The following GALNT18 variants were observed in gnomAD, a reference collection of about 807,000 sequenced individuals.
GALNT18 encodes GalNAc-transferase 18.
In GALNT18, 44 loss-of-function variants were observed where a neutral mutation model predicts 69.5. That is an observed-to-expected ratio of 0.63 (90% CI 0.50 to 0.81). The LOEUF is 0.81. Among genes scored for constraint, GALNT18 ranks in the 40% least tolerant of loss-of-function variants. The pLI is 0.00. For missense variants in GALNT18, 715 were observed against 810.0 expected, an observed-to-expected ratio of 0.88 and a Z score of 1.42; for synonymous variants, 364 against 318.2, an observed-to-expected ratio of 1.14 and a Z score of -1.53.
chr11:11,621,949 A>C lies in GALNT18; in HGVS notation c.-356T>G. 1.7e-5 allele frequency: 3 copies of C among 175,684 alleles called. No homozygotes were observed. The highest frequency in any genetic ancestry group is 2.4e-5 in the Non-Finnish European group (2 of 83,926). The allele number at this position is 175,684 out of a possible 1,614,324, so 10.9% of individuals were successfully genotyped here. ...TGTGTCGGCGGCCACGCCGCTTCCC[A>C]TCGCCAGCGCCGGCTGCCTTGGCGG... is the stretch of plus-strand genomic sequence containing the variant. On this transcript the variant is annotated 5_prime_UTR_variant, in exon 1 of 11. It removes an upstream start codon present in the reference 5' UTR. Transcript: ENST00000227756. This position sits in a 1 kb window ranked among gnomAD's most constrained non-coding sequence, Gnocchi z 9.3.
chr11:11,291,342 T>C (rs1242875983), intron 10 of GALNT18, among the ~76,000 whole-genome samples: 2 of 152,214 alleles, frequency 1.3e-5, no homozygotes, highest in Non-Finnish European at 2.9e-5. Context: ...ATTTCATAAA[T>C]AATGACCAAC....
chr11:11,589,008 G>T lies in GALNT18; in HGVS notation c.235+32351C>A, dbSNP rs539311704. Among the ~76,000 whole-genome samples, 4 of 152,292 alleles carry T rather than the reference G, an allele frequency of 2.6e-5. No homozygotes were observed. In the South Asian group the frequency reaches 8.3e-4, roughly 32 times the overall value. On this transcript the variant is annotated intron_variant, in intron 1 of 10. Coordinates refer to ENST00000227756, the MANE Select transcript of GALNT18 (RefSeq NM_198516.3). ...GGCACAATACACTAAGCCCTATCTTGGGAAAGATTCCATACAAGGAATCCC... is the reference window on the plus strand; with the variant it reads ...GGCACAATACACTAAGCCCTATCTTTGGAAAGATTCCATACAAGGAATCCC...
chr11:11,379,356 A>C, intron 3 of GALNT18, 92 bp from the exon 4 acceptor site: 2 of 1,287,788 alleles, frequency 1.6e-6, no homozygotes, highest in Non-Finnish European at 2.2e-6. Flanking sequence ...GATGACCCCC[A>C]GAGAAAGGCT....
chr11:11,593,807 C>G (rs79644699), intron 1 of GALNT18, among the ~76,000 whole-genome samples: 3,549 of 152,256 alleles, frequency 0.023, 147 homozygotes, highest in African/African-American at 0.081. Flanking sequence ...AAATTTCCAG[C>G]CTTTCTCAAT....
chr11:11,293,201 CGGAG>C lies in GALNT18; in HGVS notation c.1513-12_1513-9del. On this transcript the variant is annotated splice_polypyrimidine_tract_variant and intron_variant, in intron 9 of 10. Transcript: ENST00000227756. ...GCTCGTGTAGTACACGTTCTGGGGGCGGAGGGAGGGAGAGAGTGTGGATAAATGC... is the reference window on the plus strand; with the variant it reads ...GCTCGTGTAGTACACGTTCTGGGGGCGGAGGGAGAGAGTGTGGATAAATGC... The C allele has an allele frequency of 1.5e-6, 2 of 1,318,994 alleles. No individual in the cohort carries two copies. The highest frequency in any genetic ancestry group is 3.0e-5 in the South Asian group (1 of 33,722). 81.7% of individuals were successfully genotyped at this position (1,318,994 alleles called of 1,614,324 possible).
intron 10 of GALNT18, among the ~76,000 whole-genome samples, chr11:11,287,975 C>T (rs536229116): frequency 2.0e-5 from 3 of 152,194 alleles, no homozygotes; most frequent in Non-Finnish European, 4.4e-5. Flanking sequence ...CATGTCCCCA[C>T]ACCCCTGTGG....
chr11:11,304,925 C>A (rs957273417), intron 9 of GALNT18, among the ~76,000 whole-genome samples: 1 of 152,168 alleles, frequency 6.6e-6, no homozygotes, highest in Non-Finnish European at 1.5e-5. Context: ...TGATGACAAC[C>A]GAGGAGCATG....
At chr11:11,308,910 C>T (rs1849624498) in intron 9 of GALNT18, among the ~76,000 whole-genome samples, 1 of 151,966 alleles carries the variant, frequency 6.6e-6, no homozygotes, top group South Asian at 2.1e-4. Context: ...CACCTAGACC[C>T]CAGCTCTTAG....
intron 10 of GALNT18, among the ~76,000 whole-genome samples, chr11:11,272,693 G>A (rs1041342053): frequency 6.6e-6 from 1 of 152,198 alleles, no homozygotes; most frequent in African/African-American, 2.4e-5. Flanking sequence ...ATGTATCAAA[G>A]CTCAACTCCT....
chr11:11,539,509 T>C (rs1221750636), intron 1 of GALNT18, among the ~76,000 whole-genome samples: 1 of 152,120 alleles, frequency 6.6e-6, no homozygotes, highest in Non-Finnish European at 1.5e-5. Context: ...GCAAGGCAAC[T>C]ATAGACACGA....
rs547453651 is a variant in GALNT18, at chr11:11,356,734, T to C, written c.1093-15730A>G. ...TCTTTTATACAGCTCCCTCATTGAATGCAATTGAAAAAACCAAAGTGTGAA... is the reference window on the plus strand; with the variant it reads ...TCTTTTATACAGCTCCCTCATTGAACGCAATTGAAAAAACCAAAGTGTGAA... On this transcript the variant is annotated intron_variant, in intron 6 of 10. Transcript: ENST00000227756. This position sits in a 1 kb window ranked among gnomAD's most constrained non-coding sequence, Gnocchi z 4.4. Among the ~76,000 whole-genome samples, 5 of 152,322 alleles carry C rather than the reference T, an allele frequency of 3.3e-5. 1 individual carries two copies. The South Asian group carries it at 1.0e-3, about 32-fold the overall frequency.
chr11:11,420,015 G>GC, intron 3 of GALNT18, among the ~76,000 whole-genome samples: 1 of 152,116 alleles, frequency 6.6e-6, no homozygotes, highest in Non-Finnish European at 1.5e-5. Flanking sequence ...CAGAAGGGGT[G>GC]CAAGTCCCTG....
intron 1 of GALNT18, among the ~76,000 whole-genome samples, chr11:11,481,313 C>T (rs1449458547): frequency 2.0e-5 from 3 of 152,154 alleles, no homozygotes; most frequent in Admixed American, 1.3e-4. Context: ...AATCCCTCCT[C>T]GCTGGTCTTA....
rs138514809 is a variant in GALNT18, at chr11:11,302,769, G to A, written c.1513-9576C>T. ...CGCAAAGGGCATGGGGAGCGACATC[G>A]CACTCGGATATCTCAAGTGCTCTGG... On this transcript the variant is annotated intron_variant, in intron 9 of 10. Transcript: ENST00000227756. Among the ~76,000 whole-genome samples the A allele has an allele frequency of 3.2e-4, 48 of 152,334 alleles. No individual in the cohort carries two copies. The East Asian group carries it at 7.9e-3, about 25-fold the overall frequency.
chr11:11,531,190 C>T (rs1857638736), intron 1 of GALNT18, among the ~76,000 whole-genome samples: 1 of 152,238 alleles, frequency 6.6e-6, no homozygotes, highest in South Asian at 2.1e-4. Context: ...AACAACCAGG[C>T]AGCGTAGAAG....
rs1365100023 is a variant in GALNT18 at position 11,372,969 on chromosome 11, T to C, written c.978-340A>G. 1.3e-5 allele frequency among the ~76,000 whole-genome samples: 2 copies of C among 152,140 alleles called. No homozygotes were observed. Among genetic ancestry groups the C allele is most frequent in the Non-Finnish European group, 2.9e-5 (2 of 68,020 alleles). On this transcript the variant is annotated intron_variant, in intron 5 of 10. Transcript: ENST00000227756. The surrounding 1 kb of genome is among the most constrained non-coding windows in gnomAD (Gnocchi z 4.9). ...GACCCTGACCTCTGCACAGCCAGTC[T>C]CTGTTCCTGCTTGGGAATGCATACC...
intron 1 of GALNT18, among the ~76,000 whole-genome samples, chr11:11,510,638 A>G (rs1456716620): frequency 6.6e-6 from 1 of 152,212 alleles, no homozygotes; most frequent in Non-Finnish European, 1.5e-5. Context: ...GGCTCAGTGC[A>G]AGAAATAGAA....
chr11:11,376,235 A>T (rs939075850), intron 5 of GALNT18, among the ~76,000 whole-genome samples: 3 of 152,090 alleles, frequency 2.0e-5, no homozygotes, highest in African/African-American at 7.2e-5. Context: ...TACAAAAATC[A>T]GCCAGGTGCA....
intron 3 of GALNT18, among the ~76,000 whole-genome samples, chr11:11,414,769 T>C (rs1449592450): frequency 1.3e-5 from 2 of 152,188 alleles, no homozygotes; most frequent in Middle Eastern, 6.3e-3. Flanking sequence ...CGGTTAGTGA[T>C]GGATTCATTT....
Sources: allele counts gnomAD v4.1 joint callset (sites outside exome capture counted in the v4.1 genomes callset), GRCh38; gene constraint gnomAD v4.1.1; non-coding constraint Gnocchi (gnomAD v3.1); transcripts MANE v1.5; gene names NCBI Gene and HGNC (gene_info 2026-07-23, HGNC 2026-07-21).